The following RBPJ variants were observed in gnomAD, a reference collection of about 807,000 sequenced individuals.
The protein encoded by RBPJ is recombining binding protein suppressor of hairless.
Under a neutral mutation model 67.8 loss-of-function variants are expected in RBPJ, and 9 were observed. That is an observed-to-expected ratio of 0.13 (90% CI 0.08 to 0.23). RBPJ has a LOEUF of 0.23. RBPJ is among the 10% of genes least tolerant of loss of function. The pLI is 1.00. For missense variants in RBPJ, 305 were observed against 595.6 expected, an observed-to-expected ratio of 0.51 and a Z score of 5.08; for synonymous variants, 198 against 203.3, an observed-to-expected ratio of 0.97 and a Z score of 0.22.
chr4:26,230,131 G>T (rs760413421), intron 1 of RBPJ, among the ~76,000 whole-genome samples: 1 of 151,644 alleles, frequency 6.6e-6, no homozygotes, highest in Non-Finnish European at 1.5e-5. Flanking sequence ...TCAAGGCTGT[G>T]GTGAGCCCAG....
intron 1 of RBPJ, among the ~76,000 whole-genome samples, chr4:26,271,870 C>T (rs11938012): frequency 0.53 from 81,133 of 152,066 alleles, 22,076 homozygotes; most frequent in Admixed American, 0.61. Context: ...CACGTGCATG[C>T]ACACGTGTGA....
At chr4:26,374,335 GGAAGGTAATGAAA>G (rs1729487208) in intron 1 of RBPJ, among the ~76,000 whole-genome samples, 1 of 152,084 alleles carries the variant, frequency 6.6e-6, no homozygotes, top group Non-Finnish European at 1.5e-5. Context: ...TGAAGGTTTG[GGAAGGTAATGAAA>G]GAAAGTTTCC....
chr4:26,422,617 GTTA>G (rs1437689102), intron 5 of RBPJ, among the ~76,000 whole-genome samples: 6 of 152,062 alleles, frequency 3.9e-5, no homozygotes, highest in South Asian at 2.1e-4. Context: ...TGTGGTTGTT[GTTA>G]TTGTTGTTGT....
intron 1 of RBPJ, among the ~76,000 whole-genome samples, chr4:26,375,780 T>C (rs1414558580): frequency 2.0e-5 from 3 of 152,214 alleles, no homozygotes; most frequent in Non-Finnish European, 4.4e-5. Context: ...AAGCCCATCA[T>C]GTAGCAAGTC....
intron 1 of RBPJ, among the ~76,000 whole-genome samples, chr4:26,348,191 C>T (rs1294950523): frequency 6.6e-6 from 1 of 152,132 alleles, no homozygotes; most frequent in Non-Finnish European, 1.5e-5. Context: ...GAACTCCTGA[C>T]CTCAGATGAT....
At chr4:26,362,720 C>A in intron 1 of RBPJ, 2 of 1,007,492 alleles carry the variant, frequency 2.0e-6, no homozygotes, top group Non-Finnish European at 3.1e-6. Flanking sequence ...TTAAGATATT[C>A]TGTATTTAGT....
chr4:26,346,457 C>T (rs1387388223), intron 1 of RBPJ, among the ~76,000 whole-genome samples: 1 of 152,178 alleles, frequency 6.6e-6, no homozygotes, highest in Non-Finnish European at 1.5e-5. Context: ...CTTATCTACT[C>T]CTTACTGTAC....
At chr4:26,170,880 C>T (rs1207298508) in intron 1 of RBPJ, among the ~76,000 whole-genome samples, 8 of 152,176 alleles carry the variant, frequency 5.3e-5, no homozygotes. Flanking sequence ...TCAATTTTTC[C>T]ATCTCTAAAC....
chr4:26,433,914 G>A lies in RBPJ; in HGVS notation c.*2907G>A, dbSNP rs1736455435. The A allele has an allele frequency of 6.6e-6, 1 of 152,176 alleles. No individual in the cohort carries two copies. Among genetic ancestry groups the A allele is most frequent in the African/African-American group, 2.4e-5 (1 of 41,438 alleles). 9.4% of individuals were successfully genotyped at this position (152,176 alleles called of 1,614,324 possible). A position where few individuals can be genotyped will look rare whatever the true frequency, so the allele number is the denominator to read the frequency against. ...TCTTATTAGAATGGTGAGTGCTTCA[G>A]TTATAGTATGTTTGAATTTTTAAAA... On this transcript the variant is annotated 3_prime_UTR_variant, in exon 11 of 11. Coordinates refer to ENST00000355476, the MANE Select transcript of RBPJ (RefSeq NM_015874.6).
chr4:26,138,584 C>T, the RBPJ span, among the ~76,000 whole-genome samples: 13 of 152,162 alleles, frequency 8.5e-5, no homozygotes, highest in Non-Finnish European at 1.9e-4. Flanking sequence ...GTAATCCCCA[C>T]CAAACACAGC....
At chr4:26,250,229 T>C (rs1720062943) in intron 1 of RBPJ, among the ~76,000 whole-genome samples, 2 of 152,098 alleles carry the variant, frequency 1.3e-5, no homozygotes, top group Admixed American at 6.6e-5. Flanking sequence ...CTCATGAAGG[T>C]AGAATCATAC....
At chr4:26,348,871 AT>A (rs1438556974) in intron 1 of RBPJ, among the ~76,000 whole-genome samples, 1 of 151,864 alleles carries the variant, frequency 6.6e-6, no homozygotes, top group Non-Finnish European at 1.5e-5. Context: ...TGGCCCACGA[AT>A]TTTTAAAATT....
chr4:26,155,494 G>C, the RBPJ span, among the ~76,000 whole-genome samples: 1 of 150,510 alleles, frequency 6.6e-6, no homozygotes, highest in Admixed American at 6.6e-5. Context: ...GAGTGCAGTG[G>C]CACGATCTCA....
chr4:26,142,843 G>A, the RBPJ span, among the ~76,000 whole-genome samples: 1 of 152,316 alleles, frequency 6.6e-6, no homozygotes, highest in East Asian at 1.9e-4. Flanking sequence ...GTGCAGTAGT[G>A]CAATCTCAGC....
At chr4:26,317,393 C>T (rs142877375), upstream of RBPJ, among the ~76,000 whole-genome samples, 57 of 152,098 alleles carry the variant, frequency 3.7e-4, 1 homozygote, top group African/African-American at 1.4e-3. Flanking sequence ...ATCCCAGGAA[C>T]AGTAAGGAAG....
Position 26,402,600 on chromosome 4 carries a change from G to A in RBPJ, c.60-3575G>A, listed in dbSNP as rs567513302. On this transcript the variant is annotated intron_variant, in intron 2 of 10. Coordinates refer to ENST00000355476, the MANE Select transcript of RBPJ (RefSeq NM_015874.6). Reference sequence around the variant, plus strand: ...AATTAAAGTGACCTTGACTTCTGTGGCATTTCACCTTTGATTGCTCCCTTC... The same window carrying A: ...AATTAAAGTGACCTTGACTTCTGTGACATTTCACCTTTGATTGCTCCCTTC... Among the ~76,000 whole-genome samples the A allele has an allele frequency of 6.6e-4, 101 of 152,228 alleles. 1 individual carries two copies. Among genetic ancestry groups the A allele is most frequent in the Non-Finnish European group, 1.0e-3 (68 of 68,012 alleles).
At chr4:26,157,086 C>CAAAAA in the RBPJ span, among the ~76,000 whole-genome samples, 1 of 34,670 alleles carries the variant, frequency 2.9e-5, no homozygotes, top group African/African-American at 7.0e-5. Flanking sequence ...CAAAAACAAA[C>CAAAAA]AAACAAACAA....
chr4:26,135,905 G>A, the RBPJ span, among the ~76,000 whole-genome samples: 1 of 152,098 alleles, frequency 6.6e-6, no homozygotes, highest in Non-Finnish European at 1.5e-5. Context: ...CTGTTCTTAC[G>A]CTACCAATAA....
chr4:26,416,243 A>G (rs1387402107), intron 4 of RBPJ, among the ~76,000 whole-genome samples: 2 of 152,188 alleles, frequency 1.3e-5, no homozygotes, highest in Non-Finnish European at 2.9e-5. Flanking sequence ...GAATTTAGAA[A>G]GCAGTCAATC....
Sources: gnomAD v4.1 joint callset for allele counts (sites outside exome capture counted in the v4.1 genomes callset) on GRCh38, gnomAD v4.1.1 for gene constraint, MANE v1.5 for transcripts, NCBI Gene and HGNC (gene_info 2026-07-23, HGNC 2026-07-21) for gene names.